MCFD2: variants seen among roughly 807,000 people sequenced by gnomAD.
The protein encoded by MCFD2 is multiple coagulation factor deficiency 2, ER cargo receptor complex subunit, also known as multiple coagulation factor deficiency protein 2.
MCFD2 carries 11 observed loss-of-function variants against 12.8 expected under a neutral mutation model. That is an observed-to-expected ratio of 0.86 (90% confidence interval 0.54 to 1.42). The LOEUF is 1.42. MCFD2 is among the 40% of genes most tolerant of loss of function. MCFD2 has a pLI of 0.00. For synonymous variants in MCFD2, 70 were observed against 68.1 expected (o/e 1.03, Z -0.14); for missense variants, 191 against 178.6 (o/e 1.07, Z -0.40).
At chr2:46,936,711 T>A (rs760948602) in intron 1 of MCFD2, among the ~76,000 whole-genome samples, 4 of 152,176 alleles carry the variant, frequency 2.6e-5, no homozygotes, top group Non-Finnish European at 5.9e-5. Context: ...CCAAAGATAA[T>A]TTAGAATTGC....
In MCFD2 at chr2:46,905,595, C is replaced by T; in HGVS notation, c.310-1G>A. The T allele has an allele frequency of 6.2e-6, 10 of 1,609,952 alleles. No homozygotes were observed. The highest frequency in any genetic ancestry group is 8.5e-6 in the Non-Finnish European group (10 of 1,177,592). On this transcript the variant is annotated splice_acceptor_variant, in intron 3 of 3. Transcript: ENST00000319466. LOFTEE classifies it high-confidence loss of function. The stretch of plus-strand genomic sequence containing the variant: ...TTAGTGGTGCCTGTTCACTCCCTTC[C>T]TACAAAATACAAATTAGACAATGAT...
intron 1 of MCFD2, among the ~76,000 whole-genome samples, chr2:46,922,829 A>G (rs1452191410): frequency 2.6e-5 from 4 of 152,194 alleles, no homozygotes; most frequent in African/African-American, 9.7e-5. Flanking sequence ...TTCTGATGCC[A>G]TCTACCTAGA....
chr2:46,920,253 T>C (rs1202354853), upstream of MCFD2, among the ~76,000 whole-genome samples: 1 of 152,198 alleles, frequency 6.6e-6, no homozygotes, highest in Non-Finnish European at 1.5e-5. Flanking sequence ...CCCTTTTGTC[T>C]CGCTCTCCTT....
intron 1 of MCFD2, among the ~76,000 whole-genome samples, chr2:46,934,091 A>G (rs1558481899): frequency 6.6e-6 from 1 of 152,214 alleles, no homozygotes; most frequent in African/African-American, 2.4e-5. Flanking sequence ...CATCCATAAT[A>G]AATTTTTGAG....
chr2:46,909,658 G>T (rs1164504901), intron 1 of MCFD2, among the ~76,000 whole-genome samples: 1 of 152,192 alleles, frequency 6.6e-6, no homozygotes, highest in Non-Finnish European at 1.5e-5. Context: ...CAGATATGCA[G>T]GGACTGAAGG....
At position 46,940,353 on chromosome 2, in the gene MCFD2, C is replaced by T. The variant is rs900215983; in HGVS notation, c.-8+1219G>A. Among the ~76,000 whole-genome samples the T allele has an allele frequency of 4.6e-5, 7 of 152,116 alleles. No individual in the cohort carries two copies. The highest frequency in any genetic ancestry group is 8.8e-5 in the Non-Finnish European group (6 of 68,018). ...ATGCCGGTGGTTTTTGGTTTCGGGT[C>T]TTGCTGTGGCTTCTCCAGCACTGGT... On this transcript the variant is annotated intron_variant, in intron 1 of 2. Coordinates refer to the MCFD2 transcript ENST00000409147. This position sits in a 1 kb window ranked among gnomAD's most constrained non-coding sequence, Gnocchi z 4.7.
chr2:46,917,387 C>T, upstream of MCFD2: 1 of 582,416 alleles, frequency 1.7e-6, no homozygotes, highest in South Asian at 2.1e-5. Flanking sequence ...TGATCTAGTT[C>T]CTCCTTCTAC....
chr2:46,911,388 A>G (rs1263006568), intron 1 of MCFD2, among the ~76,000 whole-genome samples: 1 of 150,952 alleles, frequency 6.6e-6, no homozygotes. Flanking sequence ...TCGGCCTCCC[A>G]AAGTGCTGGG....
At chr2:46,936,577 T>G (rs1669990316) in intron 1 of MCFD2, among the ~76,000 whole-genome samples, 1 of 152,170 alleles carries the variant, frequency 6.6e-6, no homozygotes, top group Admixed American at 6.5e-5. Flanking sequence ...TCGCAGACTC[T>G]CATGGTTCTG....
chr2:46,932,603 T>C (rs1302902299), intron 1 of MCFD2, among the ~76,000 whole-genome samples: 2 of 151,884 alleles, frequency 1.3e-5, no homozygotes, highest in Non-Finnish European at 2.9e-5. Context: ...GAAAGATTAA[T>C]ATAGAAGCAG....
chr2:46,939,393 C>T (rs1670142677), intron 1 of MCFD2, among the ~76,000 whole-genome samples: 2 of 151,988 alleles, frequency 1.3e-5, no homozygotes, highest in Admixed American at 1.3e-4. Flanking sequence ...GGGTTTTGTC[C>T]CTACTGGAAA....
Position 46,915,804 on chromosome 2 carries a change from T to TGGGGGGGGGGGGGGGGGGGGGGGGGGG in MCFD2, c.-89_-88insCCCCCCCCCCCCCCCCCCCCCCCCCCC. The TGGGGGGGGGGGGGGGGGGGGGGGGGGG allele has an allele frequency of 3.3e-5, 19 of 568,426 alleles. No individual in the cohort carries two copies. Among genetic ancestry groups the TGGGGGGGGGGGGGGGGGGGGGGGGGGG allele is most frequent in the East Asian group, 4.5e-4 (1 of 2,238 alleles). 35.2% of individuals were successfully genotyped at this position (568,426 alleles called of 1,614,324 possible). ...GTCCCCAAAACGCTCTTCCTCGGCT[T>TGGGGGGGGGGGGGGGGGGGGGGGGGGG]CGCCCCGCCCCCCCCCCCCCCCCGA... On this transcript the variant is annotated 5_prime_UTR_variant, in exon 1 of 4. Coordinates refer to ENST00000319466, the MANE Select transcript of MCFD2 (RefSeq NM_139279.6).
At chr2:46,927,087 C>G (rs1477628093) in intron 1 of MCFD2, among the ~76,000 whole-genome samples, 2 of 151,570 alleles carry the variant, frequency 1.3e-5, no homozygotes, top group East Asian at 3.9e-4. Flanking sequence ...ATAGAAAATA[C>G]AAAAGGATAA....
At chr2:46,936,675 CT>C (rs999198093) in intron 1 of MCFD2, among the ~76,000 whole-genome samples, 1 of 152,180 alleles carries the variant, frequency 6.6e-6, no homozygotes. Context: ...TGTACACTTA[CT>C]TTTATAGACA....
In MCFD2 at chr2:46,902,931, A is replaced by C. The variant is rs1329438306; in HGVS notation, c.*2532T>G. 1 of 152,232 alleles carries C rather than the reference A, an allele frequency of 6.6e-6. No homozygotes were observed. Among genetic ancestry groups the C allele is most frequent in the African/African-American group, 2.4e-5 (1 of 41,452 alleles). The allele number at this position is 152,232 out of a possible 1,614,324, so 9.4% of individuals were successfully genotyped here. A position where few individuals can be genotyped will look rare whatever the true frequency, so the allele number is the denominator to read the frequency against. On this transcript the variant is annotated 3_prime_UTR_variant, in exon 4 of 4. Transcript: ENST00000319466. ...AGGTGATGTGAATTAAAATTAAGAA[A>C]CTAGCAGTATTCTACTACAGTCAAG...
intron 3 of MCFD2, among the ~76,000 whole-genome samples, chr2:46,906,655 T>A (rs1459271982): frequency 6.6e-6 from 1 of 151,502 alleles, no homozygotes; most frequent in Non-Finnish European, 1.5e-5. Context: ...CATCACTATG[T>A]CCAGCTAATT....
Position 46,907,730 on chromosome 2 carries a change from C to T in MCFD2, c.309+80G>A. On this transcript the variant is annotated intron_variant, in intron 3 of 3. Coordinates refer to ENST00000319466, the MANE Select transcript of MCFD2 (RefSeq NM_139279.6). The surrounding 1 kb of genome is among the most constrained non-coding windows in gnomAD (Gnocchi z 4.1). ...GCACTCTTGGCACATAAGGACAACA[C>T]AAGTCAACAAGACTGGGGACCAAAT... 1.4e-6 allele frequency: 2 copies of T among 1,459,984 alleles called. No individual in the cohort carries two copies. Among genetic ancestry groups the T allele is most frequent in the Non-Finnish European group, 1.9e-6 (2 of 1,045,680 alleles). The allele number at this position is 1,459,984 out of a possible 1,614,324, so 90.4% of individuals were successfully genotyped here.
At chr2:46,922,784 C>T (rs981168233) in intron 1 of MCFD2, among the ~76,000 whole-genome samples, 4 of 152,136 alleles carry the variant, frequency 2.6e-5, no homozygotes, top group African/African-American at 9.7e-5. Flanking sequence ...AATTCTGCAG[C>T]AGACACCAGC....
At chr2:46,939,541 T>G (rs530181764) in intron 1 of MCFD2, among the ~76,000 whole-genome samples, 6 of 152,192 alleles carry the variant, frequency 3.9e-5, no homozygotes, top group Non-Finnish European at 7.4e-5. Flanking sequence ...CAAGCAGTGA[T>G]TCCCTCTACA....
Sources: allele counts gnomAD v4.1 joint callset (sites outside exome capture counted in the v4.1 genomes callset), GRCh38; gene constraint gnomAD v4.1.1; non-coding constraint Gnocchi (gnomAD v3.1); transcripts MANE v1.5; gene names NCBI Gene and HGNC (gene_info 2026-07-23, HGNC 2026-07-21).